The following NOXRED1 variants were observed in gnomAD, a reference collection of about 807,000 sequenced individuals.
The protein encoded by NOXRED1 is NADP dependent oxidoreductase domain containing 1, also known as NADP-dependent oxidoreductase domain-containing protein 1.
NOXRED1 carries 20 observed loss-of-function variants against 30.4 expected under a neutral mutation model. That is an observed-to-expected ratio of 0.66 (90% CI 0.46 to 0.96). The LOEUF (loss-of-function observed/expected upper bound fraction) is 0.96, where lower values mean the gene tolerates loss of function less well. NOXRED1 is among the 40% of genes least tolerant of loss of function. NOXRED1 has a pLI of 0.00. For missense variants in NOXRED1, 374 were observed against 428.0 expected (o/e 0.87, Z 1.11); for synonymous variants, 155 against 168.0 (o/e 0.92, Z 0.60).
chr14:77,422,440 G>T (rs967771912), intron 1 of NOXRED1, among the ~76,000 whole-genome samples: 1 of 152,154 alleles, frequency 6.6e-6, no homozygotes, highest in Non-Finnish European at 1.5e-5. Flanking sequence ...ACTGTGGAGG[G>T]CAAGCTGGTG....
intron 5 of NOXRED1, among the ~76,000 whole-genome samples, chr14:77,400,973 A>G (rs1894312552): frequency 6.6e-6 from 1 of 152,208 alleles, no homozygotes; most frequent in Non-Finnish European, 1.5e-5. Flanking sequence ...GGAGAAGAAG[A>G]CTCAATACTA....
At chr14:77,398,516 T>A (rs1894243118) in intron 5 of NOXRED1, among the ~76,000 whole-genome samples, 1 of 151,922 alleles carries the variant, frequency 6.6e-6, no homozygotes, top group South Asian at 2.1e-4. Context: ...GCTCCTCAAC[T>A]CCAGCCCACT....
At chr14:77,409,017 G>A (rs1894568590) in intron 2 of NOXRED1, among the ~76,000 whole-genome samples, 2 of 148,718 alleles carry the variant, frequency 1.3e-5, no homozygotes, top group South Asian at 2.1e-4. Flanking sequence ...ATGGGCATGA[G>A]GCAATATGGA....
At chr14:77,407,689 G>T (rs770064555) in intron 2 of NOXRED1, 44 bp from the exon 3 acceptor site, 3 of 1,399,152 alleles carry the variant, frequency 2.1e-6, no homozygotes, top group South Asian at 1.2e-5. Context: ...GTACTAAAGA[G>T]TTTGACCTGA....
At chr14:77,399,470 C>G (rs183893437) in intron 5 of NOXRED1, among the ~76,000 whole-genome samples, 24 of 152,036 alleles carry the variant, frequency 1.6e-4, no homozygotes, top group Non-Finnish European at 3.5e-4. Flanking sequence ...ATAACTATGA[C>G]TAATATGCTA....
rs752400697 is a variant in NOXRED1, at chr14:77,394,762, T to G, written c.949A>C (p.Thr317Pro). ...FDLTAVQLKETPFSQHLSSSP... is the reference protein window; with the variant it reads ...FDLTAVQLKEPPFSQHLSSSP... ...CTTGAGAGATGCTGGCTAAACGGAG[T>G]TTCCTTGAGTTGCACAGCAGTCAGA... Residue 317 changes from threonine (T) to proline (P), a missense_variant, in exon 6 of 6, where the codon ACT becomes CCT. Physicochemically the swap from Thr to Pro is conservative, Grantham distance 38. Transcript: ENST00000380835. 5.0e-6 allele frequency: 8 copies of G among 1,613,560 alleles called. No individual in the cohort carries two copies. Among genetic ancestry groups the G allele is most frequent in the Non-Finnish European group, 6.8e-6 (8 of 1,179,694 alleles).
intron 1 of NOXRED1, among the ~76,000 whole-genome samples, chr14:77,421,348 G>A (rs936490468): frequency 1.3e-5 from 2 of 152,188 alleles, no homozygotes; most frequent in Non-Finnish European, 2.9e-5. Context: ...CGAGGTTACA[G>A]AGTCTGGAGC....
intron 5 of NOXRED1, among the ~76,000 whole-genome samples, chr14:77,396,248 C>CG (rs1555362250): frequency 1.5e-5 from 2 of 131,122 alleles, no homozygotes; most frequent in African/African-American, 5.8e-5. Flanking sequence ...TCCAAGGAAT[C>CG]TTTTTTTTTT....
At chr14:77,424,328 G>C (rs931682148), upstream of NOXRED1, among the ~76,000 whole-genome samples, 3 of 152,140 alleles carry the variant, frequency 2.0e-5, no homozygotes, top group Admixed American at 2.0e-4. Flanking sequence ...AGCTGGGTGT[G>C]GTGGCACGTC....
In NOXRED1 at chr14:77,423,298, T is replaced by C. The variant is rs1217576802; in HGVS notation, c.-409A>G. Among the ~76,000 whole-genome samples the C allele has an allele frequency of 6.6e-6, 1 of 152,216 alleles. No individual in the cohort carries two copies. The highest frequency in any genetic ancestry group is 1.5e-5 in the Non-Finnish European group (1 of 68,036). On this transcript the variant is annotated 5_prime_UTR_variant, in exon 1 of 6. Transcript: ENST00000380835. Reference sequence around the variant, plus strand: ...CCCTCCTGCGTTTTGGAAATAGGACTGAACACATAGAACCACATTTCAAAG... The same window carrying C: ...CCCTCCTGCGTTTTGGAAATAGGACCGAACACATAGAACCACATTTCAAAG...
intron 1 of NOXRED1, among the ~76,000 whole-genome samples, chr14:77,421,850 C>T (rs1176272980): frequency 6.6e-6 from 1 of 152,234 alleles, no homozygotes; most frequent in East Asian, 1.9e-4. Context: ...TTTAAGCCTT[C>T]TCTCCTGGTT....
chr14:77,404,921 G>A (rs1226150561), intron 5 of NOXRED1, among the ~76,000 whole-genome samples: 1 of 152,166 alleles, frequency 6.6e-6, no homozygotes, highest in Non-Finnish European at 1.5e-5. Flanking sequence ...TTATTTGATA[G>A]TTATCAGATA....
At chr14:77,422,522 C>T (rs553911614) in intron 1 of NOXRED1, among the ~76,000 whole-genome samples, 7 of 152,308 alleles carry the variant, frequency 4.6e-5, no homozygotes, top group African/African-American at 1.4e-4. Context: ...GTAATCACTA[C>T]TAATCCATGC....
intron 5 of NOXRED1, among the ~76,000 whole-genome samples, chr14:77,399,973 C>T (rs971687633): frequency 6.6e-6 from 1 of 151,344 alleles, no homozygotes; most frequent in Non-Finnish European, 1.5e-5. Context: ...TTGAGATAAG[C>T]CAGAGGGAAA....
intron 2 of NOXRED1, among the ~76,000 whole-genome samples, chr14:77,408,878 C>G (rs998721891): frequency 1.2e-5 from 1 of 85,998 alleles, no homozygotes; most frequent in Non-Finnish European, 2.5e-5. Context: ...CATAAAAACA[C>G]TCACTGGTAG....
chr14:77,422,943 C>T lies in NOXRED1; in HGVS notation c.-54G>A, dbSNP rs1427769812. 1.4e-5 allele frequency: 21 copies of T among 1,503,144 alleles called. No homozygotes were observed. The highest frequency in any genetic ancestry group is 1.9e-5 in the Non-Finnish European group (21 of 1,097,560). 93.1% of individuals were successfully genotyped at this position (1,503,144 alleles called of 1,614,324 possible). On this transcript the variant is annotated 5_prime_UTR_variant, in exon 1 of 6. Coordinates refer to ENST00000380835, the MANE Select transcript of NOXRED1 (RefSeq NM_001113475.3). ...GACACTAATCAATTTGGCTCCCTGT[C>T]CCGGTAGAAGAGGGGTCTATGTAGG...
Position 77,394,666 on chromosome 14 carries a change from G to C in NOXRED1, c.1045C>G (p.Gln349Glu), listed in dbSNP as rs1594865763. Residue 349 changes from glutamine (Q) to glutamate (E), a missense_variant, in exon 6 of 6, where the codon CAG (glutamine) becomes GAG (glutamate). Gln to Glu is a conservative substitution (Grantham distance 29). Transcript: ENST00000380835. ...ASFGISLTKE[Q>E]PVISTGFPSQ is the part of the protein sequence containing the mutation. The stretch of plus-strand genomic sequence containing the variant: ...GGAAAGCCTGTGGAAATGACTGGCT[G>C]TTCTTTGGTTAGGGAGATGCCAAAT... 6.2e-7 allele frequency: 1 copy of C among 1,613,052 alleles called. No individual in the cohort carries two copies. Among genetic ancestry groups the C allele is most frequent in the Non-Finnish European group, 8.5e-7 (1 of 1,179,388 alleles).
At chr14:77,418,560 C>T (rs1312360784) in intron 1 of NOXRED1, among the ~76,000 whole-genome samples, 2 of 151,988 alleles carry the variant, frequency 1.3e-5, no homozygotes, top group Non-Finnish European at 2.9e-5. Context: ...GACAGGGTCT[C>T]GCTCTGTCAC....
chr14:77,403,047 A>AG (rs1894369428), intron 5 of NOXRED1, among the ~76,000 whole-genome samples: 1 of 152,188 alleles, frequency 6.6e-6, no homozygotes, highest in African/African-American at 2.4e-5. Context: ...GAAAAAAAAA[A>AG]GAATACAAGG....
Sources: gnomAD v4.1 joint callset for allele counts (sites outside exome capture counted in the v4.1 genomes callset) on GRCh38, gnomAD v4.1.1 for gene constraint, MANE v1.5 for transcripts, NCBI Gene and HGNC (gene_info 2026-07-23, HGNC 2026-07-21) for gene names.